The following FREM1 variants were observed in gnomAD, a reference collection of about 807,000 sequenced individuals.
FREM1 encodes FRAS1 related extracellular matrix 1, also known as FRAS1-related extracellular matrix protein 1.
FREM1 carries 220 observed loss-of-function variants against 210.1 expected under a neutral mutation model. The observed-to-expected ratio is 1.05, with a 90% confidence interval of 0.94 to 1.17. The LOEUF (loss-of-function observed/expected upper bound fraction) is 1.17. Among genes scored for constraint, FREM1 ranks in the 50% most tolerant of loss-of-function variants. FREM1 has a pLI of 0.00. For missense variants in FREM1, 3,454 were observed against 2,675.5 expected (o/e 1.29, Z -6.42); for synonymous variants, 1,189 against 980.2 (o/e 1.21, Z -3.98).
rs1429836584 is a variant in FREM1 at position 14,778,495 on chromosome 9, C to T, written c.4443-2292G>A. On this transcript the variant is annotated intron_variant, in intron 24 of 36. Coordinates refer to ENST00000380880, the MANE Select transcript of FREM1 (RefSeq NM_001379081.2). ...GTGTGGTGCGTGCCTGTAGCCCCAG[C>T]TACTAGGGAGGCTGAGGTGGAAGGA... is the stretch of plus-strand genomic sequence containing the variant. 4.8e-5 allele frequency among the ~76,000 whole-genome samples: 7 copies of T among 147,144 alleles called. No individual in the cohort carries two copies. In the East Asian group the frequency reaches 1.4e-3, roughly 30 times the overall value.
chr9:14,739,324 G>A (rs1290117825), intron 36 of FREM1, among the ~76,000 whole-genome samples: 1 of 151,114 alleles, frequency 6.6e-6, no homozygotes, highest in Non-Finnish European at 1.5e-5. Context: ...GGCTCATCTC[G>A]AAATCCTGGG....
At chr9:14,853,499 C>T (rs1828138298) in intron 5 of FREM1, among the ~76,000 whole-genome samples, 1 of 152,130 alleles carries the variant, frequency 6.6e-6, no homozygotes, top group Admixed American at 6.5e-5. Context: ...CCAGAGAAAC[C>T]ATAAATTTGT....
chr9:14,868,720 C>A (rs1433566475), intron 2 of FREM1, 24 bp downstream of exon 2: 5 of 1,459,034 alleles, frequency 3.4e-6, no homozygotes, highest in East Asian at 2.3e-5. Flanking sequence ...CACGACTGAA[C>A]AGAAAATCGC....
chr9:14,848,012 G>A (rs938378647), intron 7 of FREM1, among the ~76,000 whole-genome samples: 5 of 152,172 alleles, frequency 3.3e-5, no homozygotes, highest in East Asian at 1.9e-4. Context: ...GAGGCAGCTC[G>A]TTTAAGCTGC....
At chr9:14,767,165 A>C (rs1229625324) in intron 27 of FREM1, among the ~76,000 whole-genome samples, 1 of 152,206 alleles carries the variant, frequency 6.6e-6, no homozygotes, top group Admixed American at 6.6e-5. Context: ...TCTAGCTCCA[A>C]GTTCGGTGGT....
At chr9:14,768,274 T>TAAAA (rs34132406) in intron 27 of FREM1, among the ~76,000 whole-genome samples, 1 of 145,434 alleles carries the variant, frequency 6.9e-6, no homozygotes, top group African/African-American at 2.5e-5. Context: ...TTTAAAATGT[T>TAAAA]AAAAAAAAAA....
intron 24 of FREM1, among the ~76,000 whole-genome samples, chr9:14,781,289 T>C (rs2132783161): frequency 6.6e-6 from 1 of 152,318 alleles, no homozygotes; most frequent in East Asian, 1.9e-4. Context: ...ATTGCAGGTG[T>C]TCAGGCAATG....
rs1350414242 is a variant in FREM1 at position 14,823,272 on chromosome 9, G to C, written c.2225C>G (p.Pro742Arg). The C allele has an allele frequency of 1.2e-6, 2 of 1,613,764 alleles. No homozygotes were observed. Among genetic ancestry groups the C allele is most frequent in the African/African-American group, 1.3e-5 (1 of 74,896 alleles). Reference protein sequence around the residue: ...AYMPPMQDIGPHCRDVQFTFS... With the variant: ...AYMPPMQDIGRHCRDVQFTFS... ...TGTGAACTGGACATCTCTGCAATGG[G>C]GACCAATGTCTTGCATGGGGGGCAT... The change falls in exon 13 of 37, where the codon CCC becomes CGC. Residue 742 changes from proline (P) to arginine (R), a missense_variant. Pro to Arg is a moderately radical substitution (Grantham distance 103). Coordinates refer to ENST00000380880, the MANE Select transcript of FREM1 (RefSeq NM_001379081.2).
intron 21 of FREM1, among the ~76,000 whole-genome samples, chr9:14,795,548 C>T (rs17311321): frequency 0.085 from 12,868 of 152,158 alleles, 759 homozygotes; most frequent in Non-Finnish European, 0.12. Flanking sequence ...TACTTCCTAT[C>T]CACAGGAGAG....
Position 14,836,080 on chromosome 9 carries a change from T to C in FREM1, c.1881+5367A>G, listed in dbSNP as rs185189502. Among the ~76,000 whole-genome samples, 57 of 152,340 alleles carry C rather than the reference T, an allele frequency of 3.7e-4. No homozygotes were observed. Among genetic ancestry groups the C allele is most frequent in the East Asian group, 2.5e-3 (13 of 5,182 alleles). ...GAAAAGTGAGTAAGGTGCCCATAACTCTGAGCTTTCTTTGTTTGGGAAAAT... is the reference window on the plus strand; with the variant it reads ...GAAAAGTGAGTAAGGTGCCCATAACCCTGAGCTTTCTTTGTTTGGGAAAAT... On this transcript the variant is annotated intron_variant, in intron 10 of 36. Coordinates refer to ENST00000380880, the MANE Select transcript of FREM1 (RefSeq NM_001379081.2). This position sits in a 1 kb window ranked among gnomAD's most constrained non-coding sequence, Gnocchi z 4.9.
At chr9:14,816,261 G>A (rs149504080) in intron 15 of FREM1, among the ~76,000 whole-genome samples, 1 of 152,110 alleles carries the variant, frequency 6.6e-6, no homozygotes, top group Non-Finnish European at 1.5e-5. Context: ...AGAGACAATA[G>A]CATAGTACTA....
chr9:14,899,753 G>A (rs768413853), intron 1 of FREM1, among the ~76,000 whole-genome samples: 1 of 152,218 alleles, frequency 6.6e-6, no homozygotes, highest in Non-Finnish European at 1.5e-5. Flanking sequence ...CGTATTTACT[G>A]TAGGCGCAAT....
intron 2 of FREM1, among the ~76,000 whole-genome samples, chr9:14,866,206 G>C (rs1056937691): frequency 6.6e-6 from 1 of 152,138 alleles, no homozygotes; most frequent in African/African-American, 2.4e-5. Context: ...CTAGTAACTG[G>C]AGTTTTACCT....
intron 8 of FREM1, among the ~76,000 whole-genome samples, chr9:14,843,825 A>T (rs1760743325): frequency 6.6e-6 from 1 of 150,940 alleles, no homozygotes; most frequent in African/African-American, 2.4e-5. Flanking sequence ...GGTGGGAGGG[A>T]GGCAACAACC....
At chr9:14,847,426 AAGGGAGGGAGGGAGGGAGGG>A (rs767476714) in intron 7 of FREM1, among the ~76,000 whole-genome samples, 3 of 107,216 alleles carry the variant, frequency 2.8e-5, no homozygotes, top group African/African-American at 1.0e-4. Flanking sequence ...GGAAGGAAGG[AAGGGAGGGAGGGAGGGAGGG>A]AGGGAGGGAG....
In FREM1 at chr9:14,824,875, G is replaced by A. The variant is rs1822047740; in HGVS notation, c.1999C>T (p.His667Tyr). 2 of 1,613,494 alleles carry A rather than the reference G, an allele frequency of 1.2e-6. No individual in the cohort carries two copies. Among genetic ancestry groups the A allele is most frequent in the East Asian group, 4.5e-5 (2 of 44,858 alleles). Residue 667 changes from histidine to tyrosine, a missense_variant, in exon 11 of 37, where the codon CAT (histidine) becomes TAT (tyrosine). Physicochemically the swap from His to Tyr is moderately conservative, Grantham distance 83. Coordinates refer to ENST00000380880, the MANE Select transcript of FREM1 (RefSeq NM_001379081.2). ...TCATATGATTCTGAATCTATAAAAT[G>A]TAGCTGTTTCTTAGTTATATAGGCC... ...EVAYITKKQL[H>Y]FIDSESYDRE... is the part of the protein sequence containing the mutation.
intron 27 of FREM1, among the ~76,000 whole-genome samples, chr9:14,765,974 T>G (rs1846324887): frequency 6.6e-6 from 1 of 152,176 alleles, no homozygotes; most frequent in African/African-American, 2.4e-5. Flanking sequence ...GGGTCCTGTG[T>G]AACTTAGTTT....
chr9:14,907,758 A>G, intron 1 of FREM1, among the ~76,000 whole-genome samples: 1 of 152,276 alleles, frequency 6.6e-6, no homozygotes, highest in East Asian at 1.9e-4. Context: ...GCCTATTCTC[A>G]GAGTAAATGC....
intron 8 of FREM1, among the ~76,000 whole-genome samples, chr9:14,844,391 A>T (rs1278789528): frequency 6.6e-6 from 1 of 151,922 alleles, no homozygotes; most frequent in African/African-American, 2.4e-5. Flanking sequence ...ATGCCGGGCT[A>T]TTTTTATGTT....
Sources: allele counts gnomAD v4.1 joint callset (sites outside exome capture counted in the v4.1 genomes callset), GRCh38; gene constraint gnomAD v4.1.1; non-coding constraint Gnocchi (gnomAD v3.1); transcripts MANE v1.5; gene names NCBI Gene and HGNC (gene_info 2026-07-23, HGNC 2026-07-21).